The following PARVB variants were observed in gnomAD, a reference collection of about 807,000 sequenced individuals.
The protein encoded by PARVB is parvin beta.
A neutral mutation model predicts 47.0 loss-of-function variants in PARVB; 46 were observed. The observed-to-expected ratio is 0.98, with a 90% CI of 0.77 to 1.25. The LOEUF (loss-of-function observed/expected upper bound fraction) is 1.25. PARVB is among the 50% of genes most tolerant of loss of function. The pLI is 0.00. For synonymous variants in PARVB, 196 were observed against 196.3 expected, an observed-to-expected ratio of 1.00 and a Z score of 0.01; for missense variants, 473 against 471.6, an observed-to-expected ratio of 1.00 and a Z score of -0.03.
intron 12 of PARVB, among the ~76,000 whole-genome samples, chr22:44,167,163 G>C (rs559342191): frequency 6.6e-6 from 1 of 152,344 alleles, no homozygotes; most frequent in Admixed American, 6.5e-5. Context: ...GGAGACTCCA[G>C]TGGGGTCCCC....
chr22:44,018,242 A>G (rs1257342496), intron 2 of PARVB, among the ~76,000 whole-genome samples: 1 of 151,938 alleles, frequency 6.6e-6, no homozygotes, highest in African/African-American at 2.4e-5. Context: ...TCTCTACTAA[A>G]ATTACAAAAA....
At chr22:44,019,694 C>T (rs758539639), upstream of PARVB, among the ~76,000 whole-genome samples, 14 of 152,278 alleles carry the variant, frequency 9.2e-5, no homozygotes, top group Admixed American at 3.3e-4. Flanking sequence ...CAAGAAAGTG[C>T]GGGGGACGGC....
rs1247630168 is a variant in PARVB, at chr22:44,125,712, C to A, written c.377-5775C>A. Among the ~76,000 whole-genome samples, 1 of 152,178 alleles carries A rather than the reference C, an allele frequency of 6.6e-6. No individual in the cohort carries two copies. The highest frequency in any genetic ancestry group is 1.5e-5 in the Non-Finnish European group (1 of 68,036). ...TCATTCAGCCCTGCTAGACAACAGT[C>A]TATTCCAAGTGACAGGAAGCCATTG... On this transcript the variant is annotated intron_variant, in intron 4 of 12. Transcript: ENST00000338758. This position sits in a 1 kb window ranked among gnomAD's most constrained non-coding sequence, Gnocchi z 4.1.
chr22:44,167,377 T>C (rs982190664), intron 12 of PARVB, among the ~76,000 whole-genome samples: 1 of 151,974 alleles, frequency 6.6e-6, no homozygotes, highest in African/African-American at 2.4e-5. Flanking sequence ...GGCAGGGGTG[T>C]GAGGGTTAAG....
Position 44,068,638 on chromosome 22 carries a change from G to T in PARVB, c.113-25290G>T, listed in dbSNP as rs1380300230. Among the ~76,000 whole-genome samples the T allele has an allele frequency of 3.3e-5, 5 of 152,240 alleles. No homozygotes were observed. Among genetic ancestry groups the T allele is most frequent in the Non-Finnish European group, 7.3e-5 (5 of 68,042 alleles). On this transcript the variant is annotated intron_variant, in intron 1 of 12. Coordinates refer to ENST00000338758, the MANE Select transcript of PARVB (RefSeq NM_013327.5). The surrounding 1 kb of genome is among the most constrained non-coding windows in gnomAD (Gnocchi z 4.1). ...CTCCTGACGTAGTCGGCACACGGGAGATGCAGCTGGGGTGGCACGTGCCCA... is the reference window on the plus strand; with the variant it reads ...CTCCTGACGTAGTCGGCACACGGGATATGCAGCTGGGGTGGCACGTGCCCA...
At chr22:44,043,369 C>CTTAT (rs752316790) in intron 1 of PARVB, among the ~76,000 whole-genome samples, 68 of 151,656 alleles carry the variant, frequency 4.5e-4, no homozygotes, top group East Asian at 1.2e-3. Flanking sequence ...GAATTGTACA[C>CTTAT]TTATTTATTT....
intron 1 of PARVB, among the ~76,000 whole-genome samples, chr22:44,032,784 G>A (rs2050848497): frequency 6.6e-6 from 1 of 152,210 alleles, no homozygotes; most frequent in Admixed American, 6.5e-5. Context: ...CTAACCCTGT[G>A]TTGAGAAGGA....
At chr22:44,098,723 T>C (rs1356855643) in intron 2 of PARVB, among the ~76,000 whole-genome samples, 1 of 152,210 alleles carries the variant, frequency 6.6e-6, no homozygotes, top group African/African-American at 2.4e-5. Context: ...AGTTTCTCCA[T>C]GTTGTCAGAG....
intron 2 of PARVB, among the ~76,000 whole-genome samples, chr22:44,003,692 G>A (rs1292923011): frequency 6.6e-6 from 1 of 152,196 alleles, no homozygotes; most frequent in Non-Finnish European, 1.5e-5. Context: ...GGGGTGGAAA[G>A]AGCCTGTGTT....
At chr22:44,076,571 G>A (rs2051778495) in intron 1 of PARVB, among the ~76,000 whole-genome samples, 1 of 152,214 alleles carries the variant, frequency 6.6e-6, no homozygotes, top group South Asian at 2.1e-4. Flanking sequence ...AGCTGTGCGT[G>A]GGGTGTGTTT....
chr22:44,145,867 G>C (rs2053653124), intron 8 of PARVB: 2 of 151,912 alleles, frequency 1.3e-5, no homozygotes, highest in Admixed American at 1.3e-4. Flanking sequence ...TGCATTTATA[G>C]TTTGCGTATT....
intron 6 of PARVB, among the ~76,000 whole-genome samples, chr22:44,134,027 A>T (rs942073280): frequency 4.0e-5 from 6 of 151,864 alleles, no homozygotes; most frequent in African/African-American, 1.5e-4. Flanking sequence ...CACGCTCGGA[A>T]CCTTGGATGC....
In PARVB at chr22:44,040,700, C is replaced by T. The variant is rs114609470; in HGVS notation, c.112+16249C>T. Among the ~76,000 whole-genome samples, 997 of 152,254 alleles carry T rather than the reference C, an allele frequency of 6.5e-3. 13 individuals are homozygous for T. The highest frequency in any genetic ancestry group is 0.023 in the African/African-American group (948 of 41,532). On this transcript the variant is annotated intron_variant, in intron 1 of 12. Coordinates refer to ENST00000338758, the MANE Select transcript of PARVB (RefSeq NM_013327.5). ...AGACCCATTTTGGAGTCCTGGCATC[C>T]GGAACCACAAGATAGAAATTTGTGT...
intron 1 of PARVB, among the ~76,000 whole-genome samples, chr22:44,028,613 C>T (rs2050772533): frequency 6.6e-6 from 1 of 152,194 alleles, no homozygotes; most frequent in African/African-American, 2.4e-5. Context: ...CTGTGTACAT[C>T]TACGTGTAGG....
chr22:44,037,212 C>T (rs2146908013), intron 1 of PARVB, among the ~76,000 whole-genome samples: 1 of 152,130 alleles, frequency 6.6e-6, no homozygotes, highest in African/African-American at 2.4e-5. Context: ...CATGGTGGCA[C>T]ATGCCTGTAG....
intron 1 of PARVB, among the ~76,000 whole-genome samples, chr22:44,047,729 A>G (rs1324136239): frequency 1.3e-5 from 2 of 152,206 alleles, no homozygotes; most frequent in Admixed American, 1.3e-4. Flanking sequence ...ACAAGCTTCT[A>G]GGGGTTAGAA....
upstream of PARVB, among the ~76,000 whole-genome samples, chr22:44,020,865 C>G (rs967392921): frequency 6.6e-4 from 101 of 152,120 alleles, no homozygotes; most frequent in African/African-American, 2.3e-3. Flanking sequence ...ACTGCAACCT[C>G]CACCTCCTGG....
At chr22:44,011,812 C>T (rs1200885888) in intron 2 of PARVB, among the ~76,000 whole-genome samples, 2 of 152,116 alleles carry the variant, frequency 1.3e-5, no homozygotes, top group South Asian at 2.1e-4. Context: ...CAAAGCCCTA[C>T]ACTTCAGTTC....
intron 1 of PARVB, among the ~76,000 whole-genome samples, chr22:44,027,893 A>C (rs1569060123): frequency 6.9e-6 from 1 of 144,818 alleles, no homozygotes; most frequent in Non-Finnish European, 1.5e-5. Flanking sequence ...GTGAGACTCC[A>C]TATCAAATAG....
Sources: allele counts gnomAD v4.1 joint callset (sites outside exome capture counted in the v4.1 genomes callset), GRCh38; gene constraint gnomAD v4.1.1; non-coding constraint Gnocchi (gnomAD v3.1); transcripts MANE v1.5; gene names NCBI Gene and HGNC (gene_info 2026-07-23, HGNC 2026-07-21).